MLEC: variants seen among roughly 807,000 people sequenced by gnomAD.
MLEC encodes malectin.
A neutral mutation model predicts 28.7 loss-of-function variants in MLEC; 7 were observed. That is an observed-to-expected ratio of 0.24 (90% confidence interval 0.14 to 0.46). The LOEUF (loss-of-function observed/expected upper bound fraction) is 0.46. MLEC is among the 20% of genes least tolerant of loss of function. The probability of loss-of-function intolerance (pLI) is 0.99; values close to 1 mark genes in which losing one functional copy is unlikely to be tolerated. For missense variants in MLEC, 237 were observed against 391.1 expected (o/e 0.61, Z 3.32); for synonymous variants, 142 against 164.4 (o/e 0.86, Z 1.04).
At chr12:120,688,234 C>G (rs1236414420) in intron 1 of MLEC, among the ~76,000 whole-genome samples, 1 of 152,146 alleles carries the variant, frequency 6.6e-6, no homozygotes, top group South Asian at 2.1e-4. Context: ...CTAATTCCAG[C>G]TTAGGGGGAA....
intron 4 of MLEC, among the ~76,000 whole-genome samples, chr12:120,695,851 C>T (rs534481145): frequency 1.3e-5 from 2 of 152,246 alleles, no homozygotes; most frequent in South Asian, 2.1e-4. Context: ...AATGTCTTAC[C>T]ACCAAACAGA....
rs543114284 is a variant in MLEC at position 120,687,542 on chromosome 12, C to T, written c.235+11C>T. The stretch of plus-strand genomic sequence containing the variant: ...GCCGGGTGGGCCGAGGTGAGAGTCC[C>T]CCTGCCGAGCCGCGGGATCCAGGGC... On this transcript the variant is annotated intron_variant, in intron 1 of 4. Coordinates refer to ENST00000228506, the MANE Select transcript of MLEC (RefSeq NM_014730.4). The surrounding 1 kb of genome is among the most constrained non-coding windows in gnomAD (Gnocchi z 8.1). 1.3e-5 allele frequency: 19 copies of T among 1,491,498 alleles called. No homozygotes were observed. The East Asian group carries it at 2.2e-4, about 17-fold the overall frequency. 92.4% of individuals were successfully genotyped at this position (1,491,498 alleles called of 1,614,324 possible). A position where few individuals can be genotyped will look rare whatever the true frequency, so the allele number is the denominator to read the frequency against.
chr12:120,692,325 C>A (rs1209818761), intron 1 of MLEC, among the ~76,000 whole-genome samples: 1 of 152,144 alleles, frequency 6.6e-6, no homozygotes, highest in African/African-American at 2.4e-5. Flanking sequence ...AGCAGTCTTT[C>A]AGTCTTCATA....
chr12:120,689,847 G>C lies in MLEC; in HGVS notation c.235+2316G>C, dbSNP rs538803992. ...GTTGATTTTATGTTGAATGAATTCAGGTATTTGTTACCAAGTTAGTCCAGA... is the reference window on the plus strand; with the variant it reads ...GTTGATTTTATGTTGAATGAATTCACGTATTTGTTACCAAGTTAGTCCAGA... On this transcript the variant is annotated intron_variant, in intron 1 of 4. Coordinates refer to ENST00000228506, the MANE Select transcript of MLEC (RefSeq NM_014730.4). Among the ~76,000 whole-genome samples the C allele has an allele frequency of 3.3e-5, 5 of 152,310 alleles. No individual in the cohort carries two copies. In the South Asian group the frequency reaches 8.3e-4, roughly 25 times the overall value.
At position 120,699,198 on chromosome 12, in the gene MLEC, G is replaced by GT. The variant is rs559126768; in HGVS notation, c.*2656dup. On this transcript the variant is annotated 3_prime_UTR_variant, in exon 5 of 5. Coordinates refer to ENST00000228506, the MANE Select transcript of MLEC (RefSeq NM_014730.4). ...TTGTTCACCTTTTGCTTTTTGCACT[G>GT]TTTGTTCTCTTATCTGTATTTTGAG... 2.6e-5 allele frequency: 4 copies of GT among 152,556 alleles called. No homozygotes were observed. Among genetic ancestry groups the GT allele is most frequent in the Non-Finnish European group, 4.4e-5 (3 of 68,040 alleles). The allele number at this position is 152,556 out of a possible 1,614,324, so 9.5% of individuals were successfully genotyped here.
Position 120,691,486 on chromosome 12 carries a change from TAAGA to T in MLEC, c.236-2600_236-2597del, listed in dbSNP as rs371682509. ...GCCTAGTTACTACATTGTCTAAAAC[TAAGA>T]AAGAGCAGACATAATGTAGGCCCTT... On this transcript the variant is annotated intron_variant, in intron 1 of 4. Coordinates refer to ENST00000228506, the MANE Select transcript of MLEC (RefSeq NM_014730.4). 1.8e-4 allele frequency among the ~76,000 whole-genome samples: 28 copies of T among 152,390 alleles called. No homozygotes were observed. The East Asian group carries it at 4.8e-3, about 26-fold the overall frequency.
chr12:120,695,761 T>A (rs1055554890), intron 4 of MLEC, among the ~76,000 whole-genome samples: 2 of 152,194 alleles, frequency 1.3e-5, no homozygotes, highest in Non-Finnish European at 2.9e-5. Flanking sequence ...TTTCCCCAAC[T>A]CAATCTTGAA....
chr12:120,688,712 C>T (rs1566011907), intron 1 of MLEC, among the ~76,000 whole-genome samples: 1 of 148,650 alleles, frequency 6.7e-6, no homozygotes, highest in Non-Finnish European at 1.5e-5. Flanking sequence ...TTGCAGTGTC[C>T]TGGAGTTTGT....
Position 120,696,552 on chromosome 12 carries a change from A to G in MLEC, c.*7A>G, listed in dbSNP as rs747025269. 41 of 1,614,052 alleles carry G rather than the reference A, an allele frequency of 2.5e-5. No individual in the cohort carries two copies. Among genetic ancestry groups the G allele is most frequent in the Non-Finnish European group, 3.4e-5 (40 of 1,180,042 alleles). ...CTGCCTCTGCCGGTTGTGAGAACAA[A>G]TGACTATCCTGAACAGGGTGGAGGG... is the stretch of plus-strand genomic sequence containing the variant. On this transcript the variant is annotated 3_prime_UTR_variant, in exon 5 of 5. Coordinates refer to ENST00000228506, the MANE Select transcript of MLEC (RefSeq NM_014730.4). The surrounding 1 kb of genome is among the most constrained non-coding windows in gnomAD (Gnocchi z 5.4).
rs568267178 is a variant in MLEC at position 120,701,160 on chromosome 12, G to A, written c.*4615G>A. 1.3e-5 allele frequency: 2 copies of A among 152,166 alleles called. No individual in the cohort carries two copies. The highest frequency in any genetic ancestry group is 2.4e-5 in the African/African-American group (1 of 41,422). The allele number at this position is 152,166 out of a possible 1,614,324, so 9.4% of individuals were successfully genotyped here. ...AACTCCATTCTCACCTCTATTTTGAGCTTCAGTGCTTTATTTCAGTATGAG... is the reference window on the plus strand; with the variant it reads ...AACTCCATTCTCACCTCTATTTTGAACTTCAGTGCTTTATTTCAGTATGAG... On this transcript the variant is annotated 3_prime_UTR_variant, in exon 5 of 5. Transcript: ENST00000228506. This position sits in a 1 kb window ranked among gnomAD's most constrained non-coding sequence, Gnocchi z 4.0.
Position 120,694,362 on chromosome 12 carries a change from C to T in MLEC, c.414+93C>T. ...GGGCTAGAGAGTGTGAGAGTCTCTC[C>T]AGAAAGGCAGAACAGATGAGCTCTA... is the stretch of plus-strand genomic sequence containing the variant. On this transcript the variant is annotated intron_variant, in intron 2 of 4. Coordinates refer to ENST00000228506, the MANE Select transcript of MLEC (RefSeq NM_014730.4). This position sits in a 1 kb window ranked among gnomAD's most constrained non-coding sequence, Gnocchi z 4.5. The T allele has an allele frequency of 2.3e-6, 3 of 1,299,592 alleles. No individual in the cohort carries two copies. Among genetic ancestry groups the T allele is most frequent in the Non-Finnish European group, 3.2e-6 (3 of 933,286 alleles). The allele number at this position is 1,299,592 out of a possible 1,614,324, so 80.5% of individuals were successfully genotyped here.
chr12:120,687,597 C>A lies in MLEC; in HGVS notation c.235+66C>A. 1 of 1,297,232 alleles carries A rather than the reference C, an allele frequency of 7.7e-7. No individual in the cohort carries two copies. The highest frequency in any genetic ancestry group is 1.7e-5 in the South Asian group (1 of 58,058). The allele number at this position is 1,297,232 out of a possible 1,614,324, so 80.4% of individuals were successfully genotyped here. On this transcript the variant is annotated intron_variant, in intron 1 of 4. Coordinates refer to ENST00000228506, the MANE Select transcript of MLEC (RefSeq NM_014730.4). This position sits in a 1 kb window ranked among gnomAD's most constrained non-coding sequence, Gnocchi z 8.1. Reference sequence around the variant, plus strand: ...TGTGCTGGGCGCAGCCGGCCGGGGGCTGCGGGCCCCGAGCCCCTTTCGACC... The same window carrying A: ...TGTGCTGGGCGCAGCCGGCCGGGGGATGCGGGCCCCGAGCCCCTTTCGACC...
At chr12:120,692,622 A>G (rs1462387083) in intron 1 of MLEC, among the ~76,000 whole-genome samples, 1 of 149,712 alleles carries the variant, frequency 6.7e-6, no homozygotes, top group Non-Finnish European at 1.5e-5. Flanking sequence ...ACCTTTTGCC[A>G]TGTCTTCTCC....
rs757343321 is a variant in MLEC at position 120,700,634 on chromosome 12, A to G, written c.*4089A>G. 2 of 152,200 alleles carry G rather than the reference A, an allele frequency of 1.3e-5. No homozygotes were observed. The highest frequency in any genetic ancestry group is 2.4e-5 in the African/African-American group (1 of 41,448). The allele number at this position is 152,200 out of a possible 1,614,324, so 9.4% of individuals were successfully genotyped here. A position where few individuals can be genotyped will look rare whatever the true frequency, so the allele number is the denominator to read the frequency against. ...CGATGGAAAGATATAATTAACGATCAAAGAGCTCTAAGAAAATTGCAAAGA... is the reference window on the plus strand; with the variant it reads ...CGATGGAAAGATATAATTAACGATCGAAGAGCTCTAAGAAAATTGCAAAGA... On this transcript the variant is annotated 3_prime_UTR_variant, in exon 5 of 5. Transcript: ENST00000228506. This position sits in a 1 kb window ranked among gnomAD's most constrained non-coding sequence, Gnocchi z 4.0.
rs1308422029 is a variant in MLEC at position 120,694,147 on chromosome 12, C to G, written c.292C>G (p.Leu98Val). ...GCGTTCCAACCCTGAGGACCAGATC[C>G]TGTATCAAACTGAGCGGTACAATGA... ...ILRSNPEDQI[L>V]YQTERYNEET... Residue 98 changes from leucine (L) to valine (V), a missense_variant, in exon 2 of 5, where the codon CTG (leucine) becomes GTG (valine). Physicochemically the swap from Leu to Val is conservative, Grantham distance 32. Transcript: ENST00000228506. The surrounding 1 kb of genome is among the most constrained non-coding windows in gnomAD (Gnocchi z 4.5). 1 of 1,614,156 alleles carries G rather than the reference C, an allele frequency of 6.2e-7. No individual in the cohort carries two copies. Among genetic ancestry groups the G allele is most frequent in the Non-Finnish European group, 8.5e-7 (1 of 1,180,018 alleles).
intron 1 of MLEC, among the ~76,000 whole-genome samples, chr12:120,691,466 G>A (rs373537075): frequency 6.6e-6 from 1 of 152,246 alleles, no homozygotes; most frequent in Non-Finnish European, 1.5e-5. Flanking sequence ...AAGGAGCCTA[G>A]TTACTACATT....
intron 1 of MLEC, among the ~76,000 whole-genome samples, chr12:120,691,870 A>G (rs1224706866): frequency 6.6e-6 from 1 of 152,204 alleles, no homozygotes; most frequent in Non-Finnish European, 1.5e-5. Context: ...AGAAAAAAAA[A>G]AAGATTCGGC....
chr12:120,693,609 A>T (rs1411142599), intron 1 of MLEC, among the ~76,000 whole-genome samples: 1 of 152,264 alleles, frequency 6.6e-6, no homozygotes, highest in Non-Finnish European at 1.5e-5. Context: ...TCCAAAGCAG[A>T]TATCCTGTTT....
At chr12:120,691,764 A>C (rs1592916237) in intron 1 of MLEC, among the ~76,000 whole-genome samples, 1 of 152,216 alleles carries the variant, frequency 6.6e-6, no homozygotes, top group East Asian at 1.9e-4. Context: ...AAGGTTGTTA[A>C]GTAATTTTTG....
Sources: gnomAD v4.1 joint callset for allele counts (sites outside exome capture counted in the v4.1 genomes callset) on GRCh38, gnomAD v4.1.1 for gene constraint, Gnocchi (gnomAD v3.1) non-coding constraint, MANE v1.5 for transcripts, NCBI Gene and HGNC (gene_info 2026-07-23, HGNC 2026-07-21) for gene names.